RALY: variants seen among roughly 807,000 people sequenced by gnomAD.
RALY encodes RNA-binding protein Raly.
In RALY, 15 loss-of-function variants were observed where a neutral mutation model predicts 30.7. The observed-to-expected ratio is 0.49, with a 90% CI of 0.33 to 0.75. RALY has a LOEUF of 0.75. RALY is among the 30% of genes least tolerant of loss of function. The pLI is 0.02. For missense variants in RALY, 339 were observed against 414.3 expected (o/e 0.82, Z 1.58); for synonymous variants, 177 against 170.8 (o/e 1.04, Z -0.28).
At position 34,083,635 on chromosome 20, in the gene RALY, G is replaced by A. The variant is rs2034062788; in HGVS notation, c.*3730G>A. ...GAGGATCTGCAGCAATTTTCAGACT[G>A]TTTGGAAATACTGACATGATAGTTT... On this transcript the variant is annotated 3_prime_UTR_variant, in exon 10 of 10. Transcript: ENST00000246194. The A allele has an allele frequency of 6.6e-6, 1 of 152,212 alleles. No individual in the cohort carries two copies. The highest frequency in any genetic ancestry group is 1.5e-5 in the Non-Finnish European group (1 of 68,036). The allele number at this position is 152,212 out of a possible 1,614,324, so 9.4% of individuals were successfully genotyped here.
chr20:34,011,538 G>A (rs1247588535), intron 1 of RALY, among the ~76,000 whole-genome samples: 4 of 152,134 alleles, frequency 2.6e-5, no homozygotes, highest in African/African-American at 9.7e-5. Flanking sequence ...GTGGTGTCAG[G>A]GATATCTCCT....
intron 1 of RALY, among the ~76,000 whole-genome samples, chr20:34,024,150 A>G (rs1381327907): frequency 6.6e-6 from 1 of 152,084 alleles, no homozygotes; most frequent in Non-Finnish European, 1.5e-5. Flanking sequence ...TTTTTATAAA[A>G]TGGTTGAGCC....
chr20:34,014,119 TGG>T (rs1485587406), intron 1 of RALY, among the ~76,000 whole-genome samples: 73 of 152,342 alleles, frequency 4.8e-4, no homozygotes, highest in African/African-American at 1.5e-3. Flanking sequence ...GCGTGCATGC[TGG>T]ACATGCCTCA....
intron 1 of RALY, among the ~76,000 whole-genome samples, chr20:34,014,004 A>G (rs1298391563): frequency 4.6e-5 from 7 of 152,234 alleles, no homozygotes; most frequent in Admixed American, 3.9e-4. Context: ...GCAAGAATAC[A>G]TAATTAGCTT....
At chr20:33,996,887 T>C (rs148221059) in intron 1 of RALY, among the ~76,000 whole-genome samples, 18 of 152,286 alleles carry the variant, frequency 1.2e-4, no homozygotes, top group Non-Finnish European at 2.2e-4. Context: ...TATTTGTCCT[T>C]TTGTGCCTGC....
chr20:34,048,544 A>C (rs917120780), intron 2 of RALY, among the ~76,000 whole-genome samples: 3 of 152,184 alleles, frequency 2.0e-5, no homozygotes, highest in Non-Finnish European at 4.4e-5. Flanking sequence ...GTCAGGCTGC[A>C]TGACTTCCAG....
chr20:34,058,152 A>G (rs2033309596), intron 2 of RALY, among the ~76,000 whole-genome samples: 1 of 152,078 alleles, frequency 6.6e-6, no homozygotes, highest in African/African-American at 2.4e-5. Flanking sequence ...ATAGATACCA[A>G]AGCTGCTTCT....
At chr20:33,998,991 G>A (rs1396029626) in intron 1 of RALY, among the ~76,000 whole-genome samples, 1 of 151,896 alleles carries the variant, frequency 6.6e-6, no homozygotes, top group Non-Finnish European at 1.5e-5. Context: ...TTAGTCGGGT[G>A]TGGTGGCAGG....
rs528043528 is a variant in RALY at position 34,072,422 on chromosome 20, G to A, written c.256+92G>A. ...AACCCCCTTCTCTCTTTCTCTCACC[G>A]CTACCACTGCTCTGAGATTTTATAA... is the stretch of plus-strand genomic sequence containing the variant. On this transcript the variant is annotated intron_variant, in intron 3 of 9. Coordinates refer to ENST00000246194, the MANE Select transcript of RALY (RefSeq NM_016732.3). 77 of 1,408,344 alleles carry A rather than the reference G, an allele frequency of 5.5e-5. No individual in the cohort carries two copies. The South Asian group carries it at 9.3e-4, about 17-fold the overall frequency. The allele number at this position is 1,408,344 out of a possible 1,614,324, so 87.2% of individuals were successfully genotyped here.
chr20:34,077,005 C>T (rs2033900056), intron 7 of RALY, 23 bp from the exon 8 acceptor site: 2 of 1,610,444 alleles, frequency 1.2e-6, no homozygotes, highest in Admixed American at 1.7e-5. Context: ...TTATTCTCCC[C>T]TCCTCCACCC....
At chr20:34,029,617 A>G (rs1179033763) in intron 1 of RALY, among the ~76,000 whole-genome samples, 4 of 151,924 alleles carry the variant, frequency 2.6e-5, no homozygotes. Context: ...GAGAGCATGA[A>G]TATTTGGAGT....
rs575201432 is a variant in RALY at position 34,056,110 on chromosome 20, C to T, written c.-9-15956C>T. Among the ~76,000 whole-genome samples the T allele has an allele frequency of 1.1e-4, 16 of 151,960 alleles. No individual in the cohort carries two copies. The South Asian group carries it at 2.5e-3, about 24-fold the overall frequency. ...CTCTTCAGTGTCCACAAAGCCCTTT[C>T]TGATCTGATCTCGGCTAGGCACTCT... On this transcript the variant is annotated intron_variant, in intron 2 of 9. Transcript: ENST00000246194.
chr20:34,048,582 C>T (rs983122542), intron 2 of RALY, among the ~76,000 whole-genome samples: 1 of 152,130 alleles, frequency 6.6e-6, no homozygotes, highest in Non-Finnish European at 1.5e-5. Context: ...TGCGGCCGGG[C>T]GTGGTGGCTC....
At chr20:34,033,429 C>T (rs1233854175) in intron 2 of RALY, among the ~76,000 whole-genome samples, 4 of 152,094 alleles carry the variant, frequency 2.6e-5, no homozygotes, top group Non-Finnish European at 4.4e-5. Context: ...TCTCACAATT[C>T]GAATGTCTGG....
chr20:34,015,311 T>C (rs1357851943), intron 1 of RALY, among the ~76,000 whole-genome samples: 5 of 152,192 alleles, frequency 3.3e-5, no homozygotes, highest in African/African-American at 1.2e-4. Flanking sequence ...CCTTTTATTT[T>C]TTGTTTCTTC....
At chr20:34,076,584 AAAC>A in intron 6 of RALY, 115 bp from the exon 7 acceptor site, 2 of 900,138 alleles carry the variant, frequency 2.2e-6, no homozygotes, top group Non-Finnish European at 3.3e-6. Context: ...AGCAGGGAAA[AAAC>A]AAAACAAAAC....
chr20:34,030,312 C>T (rs776172538), intron 1 of RALY, among the ~76,000 whole-genome samples: 1 of 152,212 alleles, frequency 6.6e-6, no homozygotes, highest in Non-Finnish European at 1.5e-5. Flanking sequence ...AGTAAAATAA[C>T]ATACCAACCT....
At chr20:34,016,278 C>T (rs1182533436) in intron 1 of RALY, among the ~76,000 whole-genome samples, 1 of 152,204 alleles carries the variant, frequency 6.6e-6, no homozygotes, top group Non-Finnish European at 1.5e-5. Flanking sequence ...GCCAAGCTAG[C>T]AGACTGTTAG....
At chr20:34,025,367 A>G (rs983909968) in intron 1 of RALY, among the ~76,000 whole-genome samples, 2 of 151,152 alleles carry the variant, frequency 1.3e-5, no homozygotes, top group African/African-American at 2.4e-5. Flanking sequence ...AGTAGTGCAA[A>G]CACAGCTCAC....
Sources: gnomAD v4.1 joint callset for allele counts (sites outside exome capture counted in the v4.1 genomes callset) on GRCh38, gnomAD v4.1.1 for gene constraint, MANE v1.5 for transcripts, NCBI Gene and HGNC (gene_info 2026-07-23, HGNC 2026-07-21) for gene names.